The following SYT14 variants were observed in gnomAD, a reference collection of about 807,000 sequenced individuals.
The protein encoded by SYT14 is synaptotagmin 14.
A neutral mutation model predicts 74.2 loss-of-function variants in SYT14; 32 were observed. The observed-to-expected ratio is 0.43, with a 90% CI of 0.33 to 0.58. The LOEUF (loss-of-function observed/expected upper bound fraction) is 0.58. Among genes scored for constraint, SYT14 ranks in the 20% least tolerant of loss-of-function variants. The pLI, the probability that SYT14 is intolerant of heterozygous loss-of-function variation, is 0.05. For missense variants in SYT14, 791 were observed against 981.8 expected, an observed-to-expected ratio of 0.81 and a Z score of 2.60; for synonymous variants, 298 against 337.7, an observed-to-expected ratio of 0.88 and a Z score of 1.29.
At chr1:210,168,318 G>A (rs2102744930) in exon 10 of SYT14, 1 of 152,224 alleles carries the variant, frequency 6.6e-6, no homozygotes, top group South Asian at 2.1e-4. Context: ...TTGATAGTCT[G>A]TGTTATAAAT....
At chr1:210,157,546 A>G (rs1045270740) in intron 8 of SYT14, among the ~76,000 whole-genome samples, 1 of 151,946 alleles carries the variant, frequency 6.6e-6, no homozygotes, top group Non-Finnish European at 1.5e-5. Flanking sequence ...GATCGAGACC[A>G]TCTTGGCCAA....
At chr1:210,003,911 CTGTT>C (rs1231499940) in intron 2 of SYT14, among the ~76,000 whole-genome samples, 7 of 151,886 alleles carry the variant, frequency 4.6e-5, no homozygotes, top group African/African-American at 1.7e-4. Flanking sequence ...AATGCTGTTT[CTGTT>C]TGTTTTATTC....
chr1:210,005,258 A>G (rs2079969041), intron 2 of SYT14, among the ~76,000 whole-genome samples: 1 of 152,010 alleles, frequency 6.6e-6, no homozygotes. Context: ...GTGTCCTAAT[A>G]TTAAAATTTG....
At chr1:210,133,885 G>C (rs1447698730) in intron 7 of SYT14, among the ~76,000 whole-genome samples, 10 of 149,732 alleles carry the variant, frequency 6.7e-5, no homozygotes, top group Non-Finnish European at 1.5e-4. Flanking sequence ...TAAAGTGTGG[G>C]GATGGACCAC....
chr1:210,131,890 G>T (rs1475610498), intron 7 of SYT14, among the ~76,000 whole-genome samples: 1 of 151,896 alleles, frequency 6.6e-6, no homozygotes, highest in Non-Finnish European at 1.5e-5. Context: ...ATTGTATTTG[G>T]CCTCTGACAC....
At chr1:210,040,478 C>T (rs1044866122) in intron 5 of SYT14, among the ~76,000 whole-genome samples, 30 of 151,106 alleles carry the variant, frequency 2.0e-4, no homozygotes, top group African/African-American at 5.6e-4. Context: ...GCAACCTTCA[C>T]GTTCTGCACA....
intron 1 of SYT14, among the ~76,000 whole-genome samples, chr1:209,944,339 G>A (rs901957832): frequency 4.6e-5 from 7 of 152,158 alleles, no homozygotes; most frequent in Admixed American, 3.3e-4. Context: ...GAATTAAAGA[G>A]TAGCTCAAAA....
At chr1:209,988,136 AT>A (rs762708883) in intron 2 of SYT14, among the ~76,000 whole-genome samples, 2 of 151,618 alleles carry the variant, frequency 1.3e-5, no homozygotes, top group Admixed American at 6.6e-5. Flanking sequence ...GATTATTTGC[AT>A]TTTTTTAGTC....
chr1:210,098,509 T>C (rs951659964), intron 6 of SYT14, among the ~76,000 whole-genome samples: 2 of 152,134 alleles, frequency 1.3e-5, no homozygotes, highest in African/African-American at 2.4e-5. Context: ...CACTTCCTGT[T>C]TGTATATCTG....
exon 10 of SYT14, chr1:210,170,492 TTAAAA>T (rs2083513502): frequency 6.6e-6 from 1 of 152,146 alleles, no homozygotes; most frequent in Non-Finnish European, 1.5e-5. Context: ...GTAAAAAAAG[TTAAAA>T]TTATTATTCC....
At chr1:210,101,738 TTAA>T (rs1243350866) in intron 7 of SYT14, among the ~76,000 whole-genome samples, 1 of 152,128 alleles carries the variant, frequency 6.6e-6, no homozygotes, top group East Asian at 1.9e-4. Context: ...TCTACAGTTA[TTAA>T]TATGATTTCT....
At chr1:210,037,574 T>A (rs1431771936) in intron 5 of SYT14, among the ~76,000 whole-genome samples, 1 of 151,490 alleles carries the variant, frequency 6.6e-6, no homozygotes, top group East Asian at 1.9e-4. Flanking sequence ...AGGTACATAG[T>A]GCTATAGACT....
chr1:209,991,120 A>G (rs2079677811), intron 2 of SYT14, among the ~76,000 whole-genome samples: 2 of 152,170 alleles, frequency 1.3e-5, no homozygotes, highest in Admixed American at 1.3e-4. Flanking sequence ...ACCACATACA[A>G]AAAATAACTC....
intron 7 of SYT14, among the ~76,000 whole-genome samples, chr1:210,117,088 C>T (rs1363800570): frequency 6.6e-6 from 1 of 152,084 alleles, no homozygotes; most frequent in Non-Finnish European, 1.5e-5. Context: ...AGTATAATGC[C>T]ACAGACTCTT....
intron 1 of SYT14, among the ~76,000 whole-genome samples, chr1:209,952,402 TTC>T (rs902264326): frequency 1.1e-4 from 16 of 152,168 alleles, no homozygotes; most frequent in Non-Finnish European, 2.2e-4. Flanking sequence ...CAGTCTTTCC[TTC>T]TAGACGATGT....
In SYT14 at chr1:210,101,348, G is replaced by A. The variant is rs73072290; in HGVS notation, c.2034+887G>A. ...AATAGGTTTATATTTTAAAATAAAGGTATACTATTTTAGTGTTGTTTTGAG... is the reference window on the plus strand; with the variant it reads ...AATAGGTTTATATTTTAAAATAAAGATATACTATTTTAGTGTTGTTTTGAG... On this transcript the variant is annotated intron_variant, in intron 7 of 9. Transcript: ENST00000637265. 2.8e-3 allele frequency among the ~76,000 whole-genome samples: 431 copies of A among 152,010 alleles called. 3 individuals are homozygous for A. Among genetic ancestry groups the A allele is most frequent in the African/African-American group, 9.9e-3 (409 of 41,472 alleles).
intron 5 of SYT14, among the ~76,000 whole-genome samples, chr1:210,044,479 G>A (rs1353746562): frequency 6.6e-6 from 1 of 152,162 alleles, no homozygotes; most frequent in Admixed American, 6.5e-5. Flanking sequence ...ATTCGAAACA[G>A]TCTTTTAATG....
At chr1:209,966,658 G>C (rs1438492944) in intron 2 of SYT14, among the ~76,000 whole-genome samples, 1 of 152,104 alleles carries the variant, frequency 6.6e-6, no homozygotes, top group Non-Finnish European at 1.5e-5. Context: ...TAGAAATACA[G>C]TTACGTTTTA....
At chr1:210,035,619 A>G (rs568506320) in intron 5 of SYT14, among the ~76,000 whole-genome samples, 1 of 152,102 alleles carries the variant, frequency 6.6e-6, no homozygotes, top group Non-Finnish European at 1.5e-5. Context: ...GTCCAGTGTC[A>G]TTCTTCTGCA....
Sources: allele counts gnomAD v4.1 joint callset (sites outside exome capture counted in the v4.1 genomes callset), GRCh38; gene constraint gnomAD v4.1.1; transcripts MANE v1.5; gene names NCBI Gene and HGNC (gene_info 2026-07-23, HGNC 2026-07-21).